VPS8: variants seen among roughly 807,000 people sequenced by gnomAD.
The protein encoded by VPS8 is VPS8 subunit of CORVET complex.
VPS8 carries 129 observed loss-of-function variants against 216.4 expected under a neutral mutation model. The ratio of observed to expected loss-of-function variants is 0.60; its 90% CI spans 0.52 to 0.69. The LOEUF (loss-of-function observed/expected upper bound fraction) is 0.69, where lower values mean the gene tolerates loss of function less well. Among genes scored for constraint, VPS8 ranks in the 30% least tolerant of loss-of-function variants. VPS8 has a pLI of 0.00. For synonymous variants in VPS8, 571 were observed against 565.4 expected, an observed-to-expected ratio of 1.01 and a Z score of -0.14; for missense variants, 1,531 against 1,683.5, an observed-to-expected ratio of 0.91 and a Z score of 1.59.
intron 45 of VPS8, among the ~76,000 whole-genome samples, chr3:185,013,921 T>C (rs1755407522): frequency 6.6e-6 from 1 of 152,212 alleles, no homozygotes; most frequent in African/African-American, 2.4e-5. Context: ...TTTTCTGCAA[T>C]GCAATCTTCC....
chr3:184,986,574 A>G (rs1295573977), intron 42 of VPS8, among the ~76,000 whole-genome samples: 1 of 152,170 alleles, frequency 6.6e-6, no homozygotes, highest in African/African-American at 2.4e-5. Flanking sequence ...CTCACTTCTC[A>G]TGAAGGAGAC....
intron 8 of VPS8, among the ~76,000 whole-genome samples, chr3:184,844,668 A>G (rs967811303): frequency 1.3e-5 from 2 of 152,160 alleles, no homozygotes; most frequent in African/African-American, 2.4e-5. Context: ...ATTATTTGTG[A>G]CTTTTCTTTG....
intron 3 of VPS8, among the ~76,000 whole-genome samples, chr3:184,828,971 A>G (rs1395768181): frequency 6.6e-6 from 1 of 152,134 alleles, no homozygotes; most frequent in East Asian, 1.9e-4. Flanking sequence ...ACTTTATATA[A>G]ATGGAATTAT....
At position 185,051,894 on chromosome 3, in the gene VPS8, C is replaced by A; in HGVS notation, c.4156C>A (p.Leu1386Ile). Reference sequence around the variant, plus strand: ...TTTGCAGCTGGCTCTCCTCACGGAACTCTCCCAGAATCGCAGCAGCGAGAG... The same window carrying A: ...TTTGCAGCTGGCTCTCCTCACGGAAATCTCCCAGAATCGCAGCAGCGAGAG... ...GSSRLALLTE[L>I]SQNRSSESYR... The change falls in exon 48 of 48, where the codon CTC becomes ATC. Residue 1386 changes from leucine to isoleucine, a missense_variant. Coordinates refer to ENST00000625842, the MANE Select transcript of VPS8 (RefSeq NM_001009921.3). 6.2e-7 allele frequency: 1 copy of A among 1,608,208 alleles called. No homozygotes were observed. Among genetic ancestry groups the A allele is most frequent in the Non-Finnish European group, 8.5e-7 (1 of 1,177,014 alleles).
Position 184,850,080 on chromosome 3 carries a change from T to G in VPS8, c.753+58T>G. ...TTTTATTATGCCTTTGTGTTTATTT[T>G]AAAGTAAATTTCTCTATGTTGATGA... is the stretch of plus-strand genomic sequence containing the variant. On this transcript the variant is annotated intron_variant, in intron 10 of 47. Transcript: ENST00000625842. 4.2e-6 allele frequency: 6 copies of G among 1,424,958 alleles called. No homozygotes were observed. In the South Asian group the frequency reaches 6.3e-5, roughly 15 times the overall value. The allele number at this position is 1,424,958 out of a possible 1,614,324, so 88.3% of individuals were successfully genotyped here.
chr3:184,901,098 C>A, intron 25 of VPS8, 126 bp downstream of exon 25: 1 of 805,178 alleles, frequency 1.2e-6, no homozygotes, highest in South Asian at 1.6e-5. Flanking sequence ...CATGTAACAC[C>A]ACCATAATCA....
At chr3:184,951,681 T>G (rs915097767) in intron 36 of VPS8, among the ~76,000 whole-genome samples, 3 of 152,206 alleles carry the variant, frequency 2.0e-5, no homozygotes, top group African/African-American at 7.2e-5. Context: ...ACATGCTTTC[T>G]TCTAAAACTG....
intron 30 of VPS8, 88 bp downstream of exon 30, chr3:184,925,069 C>A: frequency 6.7e-7 from 1 of 1,484,360 alleles, no homozygotes; most frequent in Non-Finnish European, 9.0e-7. Context: ...ATGTGACAGA[C>A]TATTGGGTAA....
rs376176231 is a variant in VPS8, at chr3:184,880,558, A to G, written c.1735-5552A>G. Among the ~76,000 whole-genome samples, 10 of 152,252 alleles carry G rather than the reference A, an allele frequency of 6.6e-5. No individual in the cohort carries two copies. The East Asian group carries it at 1.2e-3, about 18-fold the overall frequency. ...TGGATGAGCCACAGTTTGATTAACA[A>G]TTTTACCGGTTGAAGAATATCTGGG... On this transcript the variant is annotated intron_variant, in intron 21 of 47. Transcript: ENST00000625842.
At chr3:184,977,994 T>G (rs1420681739) in intron 40 of VPS8, among the ~76,000 whole-genome samples, 2 of 151,154 alleles carry the variant, frequency 1.3e-5, no homozygotes, top group Non-Finnish European at 2.9e-5. Context: ...TTTGGAAGAG[T>G]TTCAGTAGAA....
intron 36 of VPS8, among the ~76,000 whole-genome samples, chr3:184,949,130 A>G (rs1234640907): frequency 6.6e-6 from 1 of 151,968 alleles, no homozygotes; most frequent in South Asian, 2.1e-4. Context: ...ACACAGTGAA[A>G]CTCTATCTCT....
chr3:184,998,541 CGAGA>C (rs368578170), intron 44 of VPS8, among the ~76,000 whole-genome samples: 4 of 66,648 alleles, frequency 6.0e-5, no homozygotes, highest in South Asian at 5.0e-4. Flanking sequence ...ATATATATAG[CGAGA>C]GAGAGAGAGA....
chr3:184,974,999 T>C (rs999370979), intron 40 of VPS8, among the ~76,000 whole-genome samples: 1 of 152,106 alleles, frequency 6.6e-6, no homozygotes, highest in African/African-American at 2.4e-5. Context: ...ATGATGCCTA[T>C]AGATGTATCC....
chr3:184,955,623 T>C (rs1268402340), intron 36 of VPS8, among the ~76,000 whole-genome samples: 1 of 152,120 alleles, frequency 6.6e-6, no homozygotes, highest in Non-Finnish European at 1.5e-5. Context: ...CTTGTGTCTT[T>C]ATTTATTACA....
chr3:184,954,924 T>C (rs2109448824), intron 36 of VPS8, among the ~76,000 whole-genome samples: 1 of 152,350 alleles, frequency 6.6e-6, no homozygotes, highest in African/African-American at 2.4e-5. Flanking sequence ...GCTTTACTAA[T>C]ATAACCTAGG....
chr3:184,884,228 C>T (rs763303237), intron 21 of VPS8, among the ~76,000 whole-genome samples: 1 of 152,078 alleles, frequency 6.6e-6, no homozygotes, highest in Non-Finnish European at 1.5e-5. Flanking sequence ...CCCCAGCCCC[C>T]GACCCGCCGA....
At chr3:184,961,478 A>G (rs763284359) in intron 37 of VPS8, among the ~76,000 whole-genome samples, 5 of 152,276 alleles carry the variant, frequency 3.3e-5, no homozygotes, top group Admixed American at 6.5e-5. Flanking sequence ...ATTTTGCCGT[A>G]CTGGCCTTAG....
intron 8 of VPS8, among the ~76,000 whole-genome samples, chr3:184,848,451 G>T (rs1436677987): frequency 6.6e-6 from 1 of 151,876 alleles, no homozygotes; most frequent in Non-Finnish European, 1.5e-5. Flanking sequence ...ACAATTCTAG[G>T]ATGAGACAGG....
intron 29 of VPS8, among the ~76,000 whole-genome samples, chr3:184,922,793 C>CAG (rs5855045): frequency 0.77 from 117,538 of 151,716 alleles, 46,415 homozygotes; most frequent in African/African-American, 0.87. Flanking sequence ...TGGCTGCAGA[C>CAG]AGAGGAAACA....
Sources: gnomAD v4.1 joint callset for allele counts (sites outside exome capture counted in the v4.1 genomes callset) on GRCh38, gnomAD v4.1.1 for gene constraint, MANE v1.5 for transcripts, NCBI Gene and HGNC (gene_info 2026-07-23, HGNC 2026-07-21) for gene names.